The following ANKRD18B variants were observed in gnomAD, a reference collection of about 807,000 sequenced individuals.
The protein encoded by ANKRD18B is ankyrin repeat domain-containing protein 18B.
Under a neutral mutation model 111.8 loss-of-function variants are expected in ANKRD18B, and 75 were observed. The ratio of observed to expected loss-of-function variants is 0.67; its 90% CI spans 0.56 to 0.81. The LOEUF is 0.81. Among genes scored for constraint, ANKRD18B ranks in the 40% least tolerant of loss-of-function variants. The probability of loss-of-function intolerance (pLI) is 0.00; values close to 1 mark genes in which losing one functional copy is unlikely to be tolerated. For synonymous variants in ANKRD18B, 356 were observed against 417.3 expected (o/e 0.85, Z 1.79); for missense variants, 1,038 against 1,225.5 (o/e 0.85, Z 2.28).
At chr9:33,542,625 T>G (rs1165750489) in intron 9 of ANKRD18B, among the ~76,000 whole-genome samples, 1 of 152,110 alleles carries the variant, frequency 6.6e-6, no homozygotes, top group Non-Finnish European at 1.5e-5. Flanking sequence ...TTATCTCACC[T>G]GGGCCTTCCA....
chr9:33,544,129 C>G (rs1328290057), intron 10 of ANKRD18B, among the ~76,000 whole-genome samples: 1 of 152,102 alleles, frequency 6.6e-6, no homozygotes, highest in Non-Finnish European at 1.5e-5. Context: ...GAGAGAAAGC[C>G]TTTAGATACT....
chr9:33,569,926 G>C (rs184598133), intron 17 of ANKRD18B, among the ~76,000 whole-genome samples: 18 of 152,140 alleles, frequency 1.2e-4, no homozygotes, highest in African/African-American at 4.3e-4. Context: ...CCCACATGCA[G>C]CAACCCCATT....
At chr9:33,551,690 T>G (rs1828448417) in intron 12 of ANKRD18B, among the ~76,000 whole-genome samples, 1 of 152,144 alleles carries the variant, frequency 6.6e-6, no homozygotes. Context: ...TTTTGGCTAT[T>G]ATGAAAACAG....
chr9:33,525,620 C>G (rs764134495), intron 1 of ANKRD18B, among the ~76,000 whole-genome samples: 15 of 151,920 alleles, frequency 9.9e-5, no homozygotes, highest in Non-Finnish European at 1.9e-4. Flanking sequence ...TAACAGTGGC[C>G]TTCCTAAGAA....
intron 14 of ANKRD18B, among the ~76,000 whole-genome samples, chr9:33,565,655 A>G (rs977004201): frequency 2.3e-4 from 35 of 151,762 alleles, no homozygotes; most frequent in Non-Finnish European, 3.7e-4. Flanking sequence ...TTTTTTTTGT[A>G]GAGATGGGGG....
chr9:33,524,290 T>C lies in ANKRD18B; in HGVS notation c.-200T>C, dbSNP rs1401236490. The C allele has an allele frequency of 2.0e-5, 26 of 1,294,378 alleles. No homozygotes were observed. The highest frequency in any genetic ancestry group is 2.4e-5 in the Non-Finnish European group (24 of 1,003,712). 80.2% of individuals were successfully genotyped at this position (1,294,378 alleles called of 1,614,324 possible). On this transcript the variant is annotated 5_prime_UTR_variant, in exon 1 of 19. Transcript: ENST00000684830. ...ATCGAGAGGTCGGAGGCTGCGAGTG[T>C]CGCTGCTGAAGGCTGTAGTGGACCG...
rs1285440557 is a variant in ANKRD18B at position 33,565,628 on chromosome 9, T to C, written c.2461-591T>C. ...ACAGGCCTGAGCCACCATGCCTGGC[T>C]AATTTTTTAAATTTGTTTTTTTTTG... On this transcript the variant is annotated intron_variant, in intron 14 of 18. Transcript: ENST00000684830. 7.3e-5 allele frequency among the ~76,000 whole-genome samples: 11 copies of C among 151,208 alleles called. No homozygotes were observed. The East Asian group carries it at 1.9e-3, about 27-fold the overall frequency.
intron 12 of ANKRD18B, among the ~76,000 whole-genome samples, chr9:33,551,085 T>G (rs1270585922): frequency 6.6e-6 from 1 of 152,232 alleles, no homozygotes; most frequent in Admixed American, 6.5e-5. Context: ...ATTTACAAAC[T>G]ACTTGAAAAG....
intron 10 of ANKRD18B, among the ~76,000 whole-genome samples, chr9:33,546,325 C>T (rs1442296775): frequency 4.6e-5 from 7 of 152,096 alleles, no homozygotes; most frequent in Non-Finnish European, 5.9e-5. Flanking sequence ...ATCATGGCCA[C>T]TTTAAATGTT....
chr9:33,524,631 G>A lies in ANKRD18B; in HGVS notation c.142G>A (p.Ala48Thr). The A allele has an allele frequency of 6.4e-7, 1 of 1,551,558 alleles. No homozygotes were observed. The highest frequency in any genetic ancestry group is 8.7e-7 in the Non-Finnish European group (1 of 1,146,892). Residue 48 changes from alanine (A) to threonine (T), a missense_variant, in exon 1 of 19, where the codon GCA becomes ACA. Ala to Thr is a moderately conservative substitution (Grantham distance 58, BLOSUM62 0). This residue lies in a region of ANKRD18B where 216 missense variants were observed against 205.1 expected (regional missense o/e 1.05). Transcript: ENST00000684830. ...IHRAAIKGDA[A>T]EVEHCLTRRF... ...CAGGGCGGCCATCAAGGGCGACGCC[G>A]CAGAGGTGGAGCACTGCCTGACGCG... is the stretch of plus-strand genomic sequence containing the variant.
chr9:33,531,519 C>T (rs1030791906), intron 3 of ANKRD18B, among the ~76,000 whole-genome samples: 2 of 150,348 alleles, frequency 1.3e-5, no homozygotes, highest in Non-Finnish European at 3.0e-5. Flanking sequence ...TCTGGTGTCC[C>T]CAGAACCACA....
intron 3 of ANKRD18B, among the ~76,000 whole-genome samples, chr9:33,532,996 G>T (rs949690728): frequency 3.9e-5 from 6 of 152,090 alleles, no homozygotes; most frequent in Admixed American, 6.6e-5. Flanking sequence ...TTGAAATATA[G>T]TTTAAGAAAC....
In ANKRD18B at chr9:33,541,204, A is replaced by G. The variant is rs1473290773; in HGVS notation, c.1055A>G (p.Lys352Arg). Residue 352 changes from lysine to arginine, a missense_variant, in exon 9 of 19, where the codon AAA (lysine) becomes AGA (arginine). This residue lies in a region of ANKRD18B where 205 missense variants were observed against 201.3 expected (regional missense o/e 1.02). Coordinates refer to ENST00000684830, the MANE Select transcript of ANKRD18B (RefSeq NM_001393611.1). The stretch of plus-strand genomic sequence containing the variant: ...AAAAGAAAAAAAAGAAAAAAATTGA[A>G]AAAAAGAAAAGAAGGTGCAAAAGGT... ...LKKRKKRKKL[K>R]KRKEGAKEHN... 3 of 1,546,488 alleles carry G rather than the reference A, an allele frequency of 1.9e-6. No individual in the cohort carries two copies. In the African/African-American group the frequency reaches 4.1e-5, roughly 21 times the overall value.
At chr9:33,571,977 T>C (rs944229151) in intron 18 of ANKRD18B, 2 of 239,290 alleles carry the variant, frequency 8.4e-6, no homozygotes, top group Non-Finnish European at 1.6e-5. Flanking sequence ...TATCTATGAC[T>C]CTATATGGAC....
At chr9:33,549,325 A>G (rs550416483) in intron 11 of ANKRD18B, among the ~76,000 whole-genome samples, 54 of 152,304 alleles carry the variant, frequency 3.5e-4, no homozygotes, top group African/African-American at 1.3e-3. Flanking sequence ...TAAAAGGTAG[A>G]GCTGACAGTT....
intron 15 of ANKRD18B, 129 bp downstream of exon 15, chr9:33,566,629 T>C (rs541916154): frequency 1.1e-5 from 12 of 1,124,868 alleles, no homozygotes; most frequent in Non-Finnish European, 1.4e-5. Context: ...TGTAGAGCTC[T>C]AGAAAAAAGT....
At chr9:33,525,882 G>A (rs1422608376) in intron 1 of ANKRD18B, among the ~76,000 whole-genome samples, 2 of 150,708 alleles carry the variant, frequency 1.3e-5, no homozygotes, top group Non-Finnish European at 3.0e-5. Context: ...GTAACATAAT[G>A]TTATATATAT....
At position 33,535,445 on chromosome 9, in the gene ANKRD18B, C is replaced by G. The variant is rs140937729; in HGVS notation, c.740+938C>G. 1.5e-4 allele frequency among the ~76,000 whole-genome samples: 23 copies of G among 152,086 alleles called. No individual in the cohort carries two copies. In the East Asian group the frequency reaches 4.5e-3, roughly 29 times the overall value. On this transcript the variant is annotated intron_variant, in intron 5 of 18. Transcript: ENST00000684830. ...GGACTACAGGCACCCGCCACCATCCCTGGCTAATTTTTTTTGTATTTTTAG... is the reference window on the plus strand; with the variant it reads ...GGACTACAGGCACCCGCCACCATCCGTGGCTAATTTTTTTTGTATTTTTAG...
intron 12 of ANKRD18B, among the ~76,000 whole-genome samples, chr9:33,553,861 T>C (rs1300257545): frequency 6.6e-6 from 1 of 152,020 alleles, no homozygotes; most frequent in Non-Finnish European, 1.5e-5. Context: ...GTGGATTACC[T>C]GAGGTCAGAA....
Sources: allele counts gnomAD v4.1 joint callset (sites outside exome capture counted in the v4.1 genomes callset), GRCh38; gene constraint gnomAD v4.1.1; regional missense constraint gnomAD v4.1.1; transcripts MANE v1.5; gene names NCBI Gene and HGNC (gene_info 2026-07-23, HGNC 2026-07-21).